The following TMEM178A variants were observed in gnomAD, a reference collection of about 807,000 sequenced individuals.
TMEM178A encodes the protein transmembrane protein 178.
In TMEM178A, 12 loss-of-function variants were observed where a neutral mutation model predicts 29.1. That is an observed-to-expected ratio of 0.41 (90% CI 0.26 to 0.67). The LOEUF (loss-of-function observed/expected upper bound fraction) is 0.67, where lower values mean the gene tolerates loss of function less well. Ranked by LOEUF, TMEM178A falls within the 30% of genes least tolerant of loss-of-function variation. The pLI, the probability that TMEM178A is intolerant of heterozygous loss-of-function variation, is 0.29. For missense variants in TMEM178A, 366 were observed against 419.1 expected (o/e 0.87, Z 1.11); for synonymous variants, 210 against 187.2 (o/e 1.12, Z -0.99).
intron 1 of TMEM178A, among the ~76,000 whole-genome samples, chr2:39,698,869 T>C (rs1354315036): frequency 1.3e-5 from 2 of 152,306 alleles, no homozygotes; most frequent in Non-Finnish European, 1.5e-5. Flanking sequence ...TCAGATTTTC[T>C]ATTTTTTCTT....
downstream of TMEM178A, chr2:39,718,075 C>G (rs1383639862): frequency 6.6e-6 from 1 of 152,428 alleles, no homozygotes; most frequent in Non-Finnish European, 1.5e-5. Context: ...TTAATAATTG[C>G]TTCATTTCAA....
In TMEM178A at chr2:39,685,367, C is replaced by G. The variant is rs370901108; in HGVS notation, c.401-18714C>G. ...GATGTCAGCCCTCTTCCTGTTATGG[C>G]TCAGGCACCCTGTTCTATGATTTCA... On this transcript the variant is annotated intron_variant, in intron 1 of 3. Transcript: ENST00000281961. Among the ~76,000 whole-genome samples, 3 of 152,198 alleles carry G rather than the reference C, an allele frequency of 2.0e-5. No homozygotes were observed. The East Asian group carries it at 5.8e-4, about 29-fold the overall frequency.
At chr2:39,723,276 C>A in the TMEM178A span, among the ~76,000 whole-genome samples, 1 of 152,218 alleles carries the variant, frequency 6.6e-6, no homozygotes, top group African/African-American at 2.4e-5. Context: ...TTGCACTTAT[C>A]ATATTGCTTA....
the TMEM178A span, among the ~76,000 whole-genome samples, chr2:39,732,449 T>C: frequency 2.0e-5 from 3 of 152,124 alleles, no homozygotes; most frequent in African/African-American, 7.2e-5. Context: ...CGCTCCCATC[T>C]GATGAGGATG....
intron 1 of TMEM178A, among the ~76,000 whole-genome samples, 187 bp from the exon 2 acceptor site, chr2:39,703,894 A>T (rs1400888054): frequency 2.6e-5 from 4 of 152,254 alleles, no homozygotes; most frequent in African/African-American, 9.6e-5. Context: ...TATACAATTT[A>T]ATACATTAAA....
the TMEM178A span, among the ~76,000 whole-genome samples, chr2:39,730,810 G>A: frequency 5.8e-4 from 88 of 152,296 alleles, no homozygotes; most frequent in African/African-American, 1.9e-3. Context: ...TTTTAATAGC[G>A]TAATTAGGAG....
At chr2:39,672,845 G>A (rs1043900352) in intron 1 of TMEM178A, among the ~76,000 whole-genome samples, 3 of 152,152 alleles carry the variant, frequency 2.0e-5, no homozygotes, top group African/African-American at 7.2e-5. Context: ...CTCACCCAGC[G>A]AGTGTCCTTG....
At chr2:39,686,945 G>C (rs1671101142) in intron 1 of TMEM178A, among the ~76,000 whole-genome samples, 1 of 150,604 alleles carries the variant, frequency 6.6e-6, no homozygotes, top group Non-Finnish European at 1.5e-5. Context: ...ATGTGGCAGA[G>C]TATATGTGCA....
At position 39,712,041 on chromosome 2, in the gene TMEM178A, T is replaced by TTGTGTGTGTGTGTGTGTG. The variant is rs61303746; in HGVS notation, c.652+4875_652+4892dup. ...GCTTTTGGGATTTAGGAATTGCATT[T>TTGTGTGTGTGTGTGTGTG]TGTGTGTGTGTGTGTGTGTGTGTGT... On this transcript the variant is annotated intron_variant, in intron 3 of 3. Transcript: ENST00000281961. Among the ~76,000 whole-genome samples, 1,139 of 139,306 alleles carry TTGTGTGTGTGTGTGTGTG rather than the reference T, an allele frequency of 8.2e-3. 10 individuals are homozygous for TTGTGTGTGTGTGTGTGTG. The highest frequency in any genetic ancestry group is 0.011 in the African/African-American group (421 of 37,744). 91.4% of individuals were successfully genotyped at this position (139,306 alleles called of 152,430 possible).
intron 1 of TMEM178A, among the ~76,000 whole-genome samples, chr2:39,694,359 G>A (rs1174137814): frequency 6.6e-6 from 1 of 152,214 alleles, no homozygotes; most frequent in East Asian, 1.9e-4. Flanking sequence ...GCTCCAGAGA[G>A]AATATAGAGT....
At chr2:39,716,076 T>C (rs541700561) in intron 3 of TMEM178A, among the ~76,000 whole-genome samples, 1 of 152,324 alleles carries the variant, frequency 6.6e-6, no homozygotes, top group South Asian at 2.1e-4. Flanking sequence ...AACCAGACTA[T>C]GAAGAAGAGA....
the TMEM178A span, among the ~76,000 whole-genome samples, chr2:39,734,743 A>T: frequency 6.6e-6 from 1 of 152,168 alleles, no homozygotes. Flanking sequence ...GATATTTCTC[A>T]CCAAACCTGC....
At chr2:39,707,537 T>C (rs1403092004) in intron 3 of TMEM178A, among the ~76,000 whole-genome samples, 3 of 152,192 alleles carry the variant, frequency 2.0e-5, no homozygotes, top group African/African-American at 7.2e-5. Flanking sequence ...AGTGGTGCGA[T>C]CTTGCCCCAC....
intron 1 of TMEM178A, among the ~76,000 whole-genome samples, chr2:39,700,469 G>A (rs910446523): frequency 6.6e-6 from 1 of 151,658 alleles, no homozygotes; most frequent in African/African-American, 2.4e-5. Context: ...ATTCTGTTTT[G>A]TTTGATATTA....
In TMEM178A at chr2:39,670,032, G is replaced by T. The variant is rs187317096; in HGVS notation, c.400+3658G>T. Among the ~76,000 whole-genome samples the T allele has an allele frequency of 3.9e-5, 6 of 152,286 alleles. No individual in the cohort carries two copies. In the East Asian group the frequency reaches 7.7e-4, roughly 20 times the overall value. Reference sequence around the variant, plus strand: ...CTTGCAGCACTGGCTAACTTTTGATGCTGAGGAAGCTTTGCTGATCCAAGT... The same window carrying T: ...CTTGCAGCACTGGCTAACTTTTGATTCTGAGGAAGCTTTGCTGATCCAAGT... On this transcript the variant is annotated intron_variant, in intron 1 of 3. Transcript: ENST00000281961.
At chr2:39,700,400 A>C (rs1671730015) in intron 1 of TMEM178A, among the ~76,000 whole-genome samples, 1 of 152,128 alleles carries the variant, frequency 6.6e-6, no homozygotes, top group South Asian at 2.1e-4. Flanking sequence ...CTTGATGGAT[A>C]GACCCATTTA....
chr2:39,706,859 T>C (rs930565013), intron 2 of TMEM178A, among the ~76,000 whole-genome samples, 190 bp from the exon 3 acceptor site: 1 of 152,240 alleles, frequency 6.6e-6, no homozygotes, highest in African/African-American at 2.4e-5. Context: ...GACCCTCCAT[T>C]GGTTACACCC....
At chr2:39,694,559 C>T (rs1444706367) in intron 1 of TMEM178A, among the ~76,000 whole-genome samples, 1 of 152,126 alleles carries the variant, frequency 6.6e-6, no homozygotes, top group Non-Finnish European at 1.5e-5. Flanking sequence ...TGGAGTCTTA[C>T]TCATTTTCAT....
intron 1 of TMEM178A, among the ~76,000 whole-genome samples, chr2:39,674,393 T>A (rs1670526723): frequency 6.6e-6 from 1 of 152,262 alleles, no homozygotes; most frequent in South Asian, 2.1e-4. Context: ...AGACTATTAT[T>A]CTAAGTGAAG....
Sources: gnomAD v4.1 joint callset for allele counts (sites outside exome capture counted in the v4.1 genomes callset) on GRCh38, gnomAD v4.1.1 for gene constraint, MANE v1.5 for transcripts, NCBI Gene and HGNC (gene_info 2026-07-23, HGNC 2026-07-21) for gene names.